The following PRKDC variants were observed in gnomAD, a reference collection of about 807,000 sequenced individuals.
The protein encoded by PRKDC is DNA-dependent protein kinase catalytic subunit.
A neutral mutation model predicts 486.9 loss-of-function variants in PRKDC; 82 were observed. The ratio of observed to expected loss-of-function variants is 0.17; its 90% CI spans 0.14 to 0.20. The LOEUF (loss-of-function observed/expected upper bound fraction) is 0.20, where lower values mean the gene tolerates loss of function less well. Among genes scored for constraint, PRKDC ranks in the 10% least tolerant of loss-of-function variants. The probability of loss-of-function intolerance (pLI) is 1.00; values close to 1 mark genes in which losing one functional copy is unlikely to be tolerated. For missense variants in PRKDC, 4,504 were observed against 5,038.2 expected (o/e 0.89, Z 3.21); for synonymous variants, 1,895 against 1,837.0 (o/e 1.03, Z -0.81).
intron 62 of PRKDC, among the ~76,000 whole-genome samples, chr8:47,827,065 T>C (rs2087754794): frequency 6.6e-6 from 1 of 151,172 alleles, no homozygotes; most frequent in African/African-American, 2.4e-5. Context: ...ATTTTACGCT[T>C]CCATTCCAGG....
intron 40 of PRKDC, among the ~76,000 whole-genome samples, chr8:47,866,468 C>CATCT (rs1490800510): frequency 1.3e-5 from 2 of 152,142 alleles, no homozygotes; most frequent in Non-Finnish European, 2.9e-5. Context: ...GCACATAAAA[C>CATCT]ATCTGACTCT....
intron 14 of PRKDC, 63 bp downstream of exon 14, chr8:47,934,946 A>G: frequency 7.6e-7 from 1 of 1,307,256 alleles, no homozygotes; most frequent in South Asian, 1.4e-5. Context: ...CGAAAACCTC[A>G]GCAACATTCC....
At chr8:47,858,693 G>A in intron 47 of PRKDC, 58 bp from the exon 48 acceptor site, 2 of 1,436,282 alleles carry the variant, frequency 1.4e-6, no homozygotes, top group Non-Finnish European at 1.8e-6. Flanking sequence ...GATACATTTT[G>A]ATATTATGGG....
chr8:47,915,302 G>A, intron 23 of PRKDC, 26 bp downstream of exon 23: 1 of 1,325,670 alleles, frequency 7.5e-7, no homozygotes, highest in Non-Finnish European at 1.1e-6. Context: ...TATCTACAGA[G>A]GTTATTTATT....
intron 72 of PRKDC, 74 bp downstream of exon 72, chr8:47,799,136 C>T (rs550570692): frequency 6.5e-7 from 1 of 1,546,508 alleles, no homozygotes; most frequent in Admixed American, 1.8e-5. Context: ...AAAGAGGAGA[C>T]CAAAGGTATG....
chr8:47,861,323 T>C (rs2088672318), intron 44 of PRKDC, among the ~76,000 whole-genome samples: 1 of 152,238 alleles, frequency 6.6e-6, no homozygotes. Context: ...ATAGTGCTTG[T>C]AATTGTTGTA....
chr8:47,820,608 T>TAG (rs1232104597), intron 66 of PRKDC, 111 bp downstream of exon 66: 1 of 687,802 alleles, frequency 1.5e-6, no homozygotes, highest in African/African-American at 1.9e-5. Context: ...TTTCATGAGT[T>TAG]TACTGAGTTT....
At chr8:47,797,148 G>A (rs534980416) in intron 73 of PRKDC, among the ~76,000 whole-genome samples, 1 of 152,288 alleles carries the variant, frequency 6.6e-6, no homozygotes, top group Admixed American at 6.5e-5. Context: ...TGTGAGGAAG[G>A]ATCAGTCCAC....
intron 7 of PRKDC, among the ~76,000 whole-genome samples, chr8:47,948,342 T>C (rs933734233): frequency 4.0e-5 from 6 of 151,792 alleles, no homozygotes; most frequent in African/African-American, 9.7e-5. Flanking sequence ...TCTCTTGACC[T>C]TGTGATCTGC....
At chr8:47,789,273 A>T in intron 74 of PRKDC, 35 bp from the exon 75 acceptor site, 1 of 1,251,858 alleles carries the variant, frequency 8.0e-7, no homozygotes, top group Non-Finnish European at 1.1e-6. Context: ...TAGGCAATCA[A>T]ATATCTTCCA....
intron 31 of PRKDC, among the ~76,000 whole-genome samples, chr8:47,891,316 T>A (rs1331553638): frequency 6.6e-6 from 1 of 152,228 alleles, no homozygotes; most frequent in Non-Finnish European, 1.5e-5. Flanking sequence ...TAATTCTTTG[T>A]TTCCAACATA....
At chr8:47,800,533 C>A (rs2087083414) in intron 71 of PRKDC, among the ~76,000 whole-genome samples, 1 of 151,882 alleles carries the variant, frequency 6.6e-6, no homozygotes, top group African/African-American at 2.4e-5. Flanking sequence ...GGGTGCAGCA[C>A]ACCAGCATGG....
intron 68 of PRKDC, among the ~76,000 whole-genome samples, chr8:47,815,680 C>T (rs1563748810): frequency 6.6e-6 from 1 of 152,136 alleles, no homozygotes; most frequent in Non-Finnish European, 1.5e-5. Context: ...TGCCTGCTTA[C>T]AATAAGATGT....
chr8:47,774,417 C>T, intron 85 of PRKDC, 40 bp from the exon 86 acceptor site: 1 of 1,576,540 alleles, frequency 6.3e-7, no homozygotes, highest in Non-Finnish European at 8.6e-7. Flanking sequence ...AAGCATGTGT[C>T]ATTGTCCTTT....
At chr8:47,910,481 G>A (rs926342044) in intron 25 of PRKDC, among the ~76,000 whole-genome samples, 3 of 151,948 alleles carry the variant, frequency 2.0e-5, no homozygotes, top group African/African-American at 7.3e-5. Context: ...TACACACAAG[G>A]GGCCATTTCC....
intron 50 of PRKDC, among the ~76,000 whole-genome samples, 184 bp from the exon 51 acceptor site, chr8:47,854,398 G>C (rs1292731974): frequency 6.6e-6 from 1 of 152,156 alleles, no homozygotes; most frequent in East Asian, 1.9e-4. Context: ...AGTGCAGTTG[G>C]CATGATCTCG....
chr8:47,944,447 G>A (rs1334484227), intron 7 of PRKDC, among the ~76,000 whole-genome samples: 3 of 143,656 alleles, frequency 2.1e-5, no homozygotes, highest in East Asian at 2.0e-4. Context: ...ATACACCCAG[G>A]CATTTATTCA....
At position 47,912,511 on chromosome 8, in the gene PRKDC, C is replaced by T; in HGVS notation, c.2833G>A (p.Ala945Thr). 1.2e-6 allele frequency: 2 copies of T among 1,612,708 alleles called. No individual in the cohort carries two copies. The highest frequency in any genetic ancestry group is 1.7e-6 in the Non-Finnish European group (2 of 1,179,190). Residue 945 changes from alanine to threonine, a missense_variant, in exon 25 of 86, where the codon GCC (alanine) becomes ACC (threonine). This residue lies in a region of PRKDC where 1,969 missense variants were observed against 2,068.9 expected (regional missense o/e 0.95). Transcript: ENST00000314191. ...TGTCCCCCTTCTGGCATCTGCGTGGCTTTGCCCAACATAAACATAACCATG... is the reference window on the plus strand; with the variant it reads ...TGTCCCCCTTCTGGCATCTGCGTGGTTTTGCCCAACATAAACATAACCATG... Reference protein sequence around the residue: ...HSMVMFMLGKATQMPEGGQGA... With the variant: ...HSMVMFMLGKTTQMPEGGQGA...
At chr8:47,797,060 T>C (rs1037991332) in intron 73 of PRKDC, among the ~76,000 whole-genome samples, 1 of 152,174 alleles carries the variant, frequency 6.6e-6, no homozygotes, top group African/African-American at 2.4e-5. Flanking sequence ...TAAAACCTGA[T>C]GTGTCTGCAA....
Sources: allele counts gnomAD v4.1 joint callset (sites outside exome capture counted in the v4.1 genomes callset), GRCh38; gene constraint gnomAD v4.1.1; regional missense constraint gnomAD v4.1.1; transcripts MANE v1.5; gene names NCBI Gene and HGNC (gene_info 2026-07-23, HGNC 2026-07-21).